The following DNAH10 variants were observed in gnomAD, a reference collection of about 807,000 sequenced individuals.
DNAH10 encodes axonemal beta dynein heavy chain 10.
A neutral mutation model predicts 506.6 loss-of-function variants in DNAH10; 348 were observed. The observed-to-expected ratio is 0.69, with a 90% CI of 0.63 to 0.75. DNAH10 has a LOEUF of 0.75. Among genes scored for constraint, DNAH10 ranks in the 30% least tolerant of loss-of-function variants. The probability of loss-of-function intolerance (pLI) is 0.00; values close to 1 mark genes in which losing one functional copy is unlikely to be tolerated. For synonymous variants in DNAH10, 2,059 were observed against 2,198.6 expected (o/e 0.94, Z 1.78); for missense variants, 5,179 against 5,787.1 (o/e 0.89, Z 3.41).
chr12:123,794,862 T>G (rs77582858), intron 12 of DNAH10, among the ~76,000 whole-genome samples: 4 of 121,168 alleles, frequency 3.3e-5, no homozygotes, highest in African/African-American at 1.3e-4. Flanking sequence ...AAAAAAAAAA[T>G]GCTGGCCAGT....
chr12:123,796,550 A>G, intron 12 of DNAH10, 106 bp from the exon 13 acceptor site: 5 of 996,426 alleles, frequency 5.0e-6, no homozygotes, highest in Non-Finnish European at 7.4e-6. Context: ...ATCTTAGAAT[A>G]TTTTTTGACA....
intron 33 of DNAH10, 125 bp from the exon 34 acceptor site, chr12:123,848,605 C>A: frequency 7.5e-7 from 1 of 1,333,834 alleles, no homozygotes; most frequent in Non-Finnish European, 1.0e-6. Context: ...AGTGGCTGGT[C>A]ACCTGCTTCT....
chr12:123,783,835 C>A (rs1957752591), intron 7 of DNAH10, 112 bp from the exon 8 acceptor site: 1 of 967,880 alleles, frequency 1.0e-6, no homozygotes, highest in Non-Finnish European at 1.6e-6. Context: ...CCCCTGAAGA[C>A]CCTGAAGGAT....
At position 123,845,965 on chromosome 12, in the gene DNAH10, G is replaced by A. The variant is rs534337876; in HGVS notation, c.5631-6G>A. On this transcript the variant is annotated splice_region_variant and splice_polypyrimidine_tract_variant and intron_variant, in intron 31 of 78. Transcript: ENST00000673944. ...TTCCACTTCCTCCACCTTTCTTGCC[G>A]TCCAGTATCCTGGAGGCCCGAGAGT... 2.5e-5 allele frequency: 41 copies of A among 1,613,714 alleles called. No individual in the cohort carries two copies. The highest frequency in any genetic ancestry group is 1.7e-4 in the Middle Eastern group (1 of 6,058).
rs1322931332 is a variant in DNAH10 at position 123,895,260 on chromosome 12, A to C, written c.9280+537A>C. ...CCTAAGGCCTTGGATATTAATTTTA[A>C]TGTTTGAATAAGAAAGGAAGTCTGT... On this transcript the variant is annotated intron_variant, in intron 54 of 78. Coordinates refer to ENST00000673944, the MANE Select transcript of DNAH10 (RefSeq NM_001372106.1). Among the ~76,000 whole-genome samples the C allele has an allele frequency of 2.6e-5, 4 of 152,216 alleles. No homozygotes were observed. In the South Asian group the frequency reaches 8.3e-4, roughly 31 times the overall value.
rs192002569 is a variant in DNAH10 at position 123,900,462 on chromosome 12, C to T, written c.9640+1648C>T. 1.0e-3 allele frequency among the ~76,000 whole-genome samples: 156 copies of T among 152,300 alleles called. 1 individual carries two copies. The highest frequency in any genetic ancestry group is 2.6e-3 in the African/African-American group (110 of 41,570). ...CTCACAACCAAGAGAGCCCCTCCCCCGGTGCCCAGGCCACAGTTTGTACTG... is the reference window on the plus strand; with the variant it reads ...CTCACAACCAAGAGAGCCCCTCCCCTGGTGCCCAGGCCACAGTTTGTACTG... On this transcript the variant is annotated intron_variant, in intron 56 of 78. Transcript: ENST00000673944.
At position 123,866,388 on chromosome 12, in the gene DNAH10, C is replaced by T. The variant is rs7961444; in HGVS notation, c.7167+315C>T. 7.3e-5 allele frequency among the ~76,000 whole-genome samples: 11 copies of T among 151,466 alleles called. 1 individual carries two copies. The South Asian group carries it at 8.4e-4, about 12-fold the overall frequency. ...CCTCCCGAGTAGCTGGGACTACAGG[C>T]GCCCGCCACCACGACCGGCTAATTT... On this transcript the variant is annotated intron_variant, in intron 41 of 78. Transcript: ENST00000673944.
chr12:123,924,483 C>T (rs1266517741), intron 67 of DNAH10, 51 bp downstream of exon 67: 1 of 1,593,314 alleles, frequency 6.3e-7, no homozygotes, highest in African/African-American at 1.3e-5. Flanking sequence ...TGTCAACAAT[C>T]TCCAAACCTC....
chr12:123,809,735 T>A (rs1958856698), intron 19 of DNAH10, among the ~76,000 whole-genome samples: 1 of 152,114 alleles, frequency 6.6e-6, no homozygotes, highest in African/African-American at 2.4e-5. Flanking sequence ...ATGACTTAAT[T>A]ACACTTGGAA....
chr12:123,880,533 C>T (rs1952458734), intron 50 of DNAH10, among the ~76,000 whole-genome samples: 1 of 151,714 alleles, frequency 6.6e-6, no homozygotes, highest in African/African-American at 2.4e-5. Context: ...TTTGTAGAGA[C>T]GTAGTCTTGC....
Position 123,877,716 on chromosome 12 carries a change from G to T in DNAH10, c.8200-20G>T, listed in dbSNP as rs1365578724. The T allele has an allele frequency of 6.2e-7, 1 of 1,604,458 alleles. No homozygotes were observed. Among genetic ancestry groups the T allele is most frequent in the East Asian group, 2.2e-5 (1 of 44,774 alleles). On this transcript the variant is annotated intron_variant, in intron 47 of 78. Coordinates refer to ENST00000673944, the MANE Select transcript of DNAH10 (RefSeq NM_001372106.1). Reference sequence around the variant, plus strand: ...TGAAGGACATTTGTGTGTTGGGGGGGGTGTCTTTGCATTTTTCAGACGTTT... The same window carrying T: ...TGAAGGACATTTGTGTGTTGGGGGGTGTGTCTTTGCATTTTTCAGACGTTT...
At chr12:123,805,690 G>T (rs960934040) in intron 18 of DNAH10, among the ~76,000 whole-genome samples, 1 of 152,080 alleles carries the variant, frequency 6.6e-6, no homozygotes, top group Admixed American at 6.5e-5. Flanking sequence ...TTATCATGCA[G>T]TGTCTTCCTT....
chr12:123,907,186 A>G lies in DNAH10; in HGVS notation c.9816-2075A>G, dbSNP rs1953822059. Among the ~76,000 whole-genome samples the G allele has an allele frequency of 6.6e-6, 1 of 152,220 alleles. No individual in the cohort carries two copies. On this transcript the variant is annotated intron_variant, in intron 57 of 78. Coordinates refer to ENST00000673944, the MANE Select transcript of DNAH10 (RefSeq NM_001372106.1). This position sits in a 1 kb window ranked among gnomAD's most constrained non-coding sequence, Gnocchi z 4.4. ...AAGGAAAGGTCCTTGCTGCTCTGACAGTGGATGTTGGGACCTGACCTAGTC... is the reference window on the plus strand; with the variant it reads ...AAGGAAAGGTCCTTGCTGCTCTGACGGTGGATGTTGGGACCTGACCTAGTC...
At position 123,917,752 on chromosome 12, in the gene DNAH10, A is replaced by T; in HGVS notation, c.11171A>T (p.Asn3724Ile). The change falls in exon 64 of 79, where the codon AAC becomes ATC. Residue 3724 changes from asparagine (N) to isoleucine (I), a missense_variant. Physicochemically the swap from Asn to Ile is moderately radical, Grantham distance 149 (BLOSUM62 -3). Transcript: ENST00000673944. The surrounding 1 kb of genome is among the most constrained non-coding windows in gnomAD (Gnocchi z 5.6). ...LLRELATSTG[N>I]MLDNVDLVHT... ...CGGGAGCTGGCCACGTCCACGGGGA[A>T]CATGCTGGACAATGTGGACCTGGTG... is the stretch of plus-strand genomic sequence containing the variant. The T allele has an allele frequency of 6.3e-7, 1 of 1,575,552 alleles. No homozygotes were observed. Among genetic ancestry groups the T allele is most frequent in the African/African-American group, 1.4e-5 (1 of 74,050 alleles).
rs1256155788 is a variant in DNAH10, at chr12:123,785,598, C to CATT, written c.1231-147_1231-145dup. 2.9e-6 allele frequency: 2 copies of CATT among 693,206 alleles called. No individual in the cohort carries two copies. Among genetic ancestry groups the CATT allele is most frequent in the Non-Finnish European group, 4.4e-6 (2 of 452,018 alleles). The allele number at this position is 693,206 out of a possible 1,614,324, so 42.9% of individuals were successfully genotyped here. The stretch of plus-strand genomic sequence containing the variant: ...AGGCTGCAGTAAGCCATGTTTGTGC[C>CATT]ATTGCACTCCAGCCTGGGCACCAGA... On this transcript the variant is annotated intron_variant, in intron 8 of 78. Transcript: ENST00000673944. The surrounding 1 kb of genome is among the most constrained non-coding windows in gnomAD (Gnocchi z 4.1).
chr12:123,919,025 G>A lies in DNAH10; in HGVS notation c.11506+76G>A. 2 of 1,430,046 alleles carry A rather than the reference G, an allele frequency of 1.4e-6. No homozygotes were observed. The highest frequency in any genetic ancestry group is 2.4e-5 in the East Asian group (1 of 41,696). The allele number at this position is 1,430,046 out of a possible 1,614,324, so 88.6% of individuals were successfully genotyped here. ...ACGTGGCTTTAAGGAAACGTGATCT[G>A]TGAAAATGGAAAGTTACCAAATAGC... On this transcript the variant is annotated intron_variant, in intron 65 of 78. Transcript: ENST00000673944. The surrounding 1 kb of genome is among the most constrained non-coding windows in gnomAD (Gnocchi z 4.9).
intron 70 of DNAH10, chr12:123,929,014 C>A: frequency 1.8e-6 from 1 of 556,046 alleles, no homozygotes; most frequent in Non-Finnish European, 3.2e-6. Context: ...GGAGGGAAGA[C>A]TTTACTTTCA....
intron 56 of DNAH10, among the ~76,000 whole-genome samples, chr12:123,900,460 C>T (rs1046235509): frequency 2.6e-5 from 4 of 152,186 alleles, no homozygotes; most frequent in African/African-American, 7.2e-5. Flanking sequence ...GAGCCCCTCC[C>T]CCGGTGCCCA....
intron 3 of DNAH10, 55 bp from the exon 4 acceptor site, chr12:123,772,779 T>C: frequency 7.5e-7 from 1 of 1,335,434 alleles, no homozygotes; most frequent in Non-Finnish European, 1.0e-6. Flanking sequence ...TATTAGGTTC[T>C]TTAGGTGAAT....
Sources: allele counts gnomAD v4.1 joint callset (sites outside exome capture counted in the v4.1 genomes callset), GRCh38; gene constraint gnomAD v4.1.1; non-coding constraint Gnocchi (gnomAD v3.1); transcripts MANE v1.5; gene names NCBI Gene and HGNC (gene_info 2026-07-23, HGNC 2026-07-21).